Variants in TECPR2 observed in about 807,000 individuals in gnomAD.
TECPR2 encodes tectonin beta-propeller repeat-containing protein 2.
A neutral mutation model predicts 138.1 loss-of-function variants in TECPR2; 65 were observed. The ratio of observed to expected loss-of-function variants is 0.47; its 90% CI spans 0.39 to 0.58. TECPR2 has a LOEUF of 0.58. TECPR2 is among the 20% of genes least tolerant of loss of function. The pLI is 0.00. For missense variants in TECPR2, 1,553 were observed against 1,824.5 expected, an observed-to-expected ratio of 0.85 and a Z score of 2.71; for synonymous variants, 746 against 749.8, an observed-to-expected ratio of 0.99 and a Z score of 0.08.
chr14:102,477,600 G>C (rs1890792319), intron 17 of TECPR2, among the ~76,000 whole-genome samples: 1 of 148,590 alleles, frequency 6.7e-6, no homozygotes, highest in Admixed American at 6.7e-5. Flanking sequence ...GCCCAGACTG[G>C]GGTACAGTGG....
intron 2 of TECPR2, among the ~76,000 whole-genome samples, chr14:102,381,143 T>G (rs1567316513): frequency 6.6e-6 from 1 of 151,980 alleles, no homozygotes; most frequent in African/African-American, 2.4e-5. Context: ...CTATTTTTAG[T>G]AGAGACGGGG....
chr14:102,403,524 G>A (rs191699689), intron 2 of TECPR2, among the ~76,000 whole-genome samples: 32 of 152,320 alleles, frequency 2.1e-4, no homozygotes, highest in African/African-American at 6.5e-4. Flanking sequence ...ATTTTAGCCA[G>A]AGTCATTAGC....
At chr14:102,425,524 T>C (rs144766481) in intron 6 of TECPR2, among the ~76,000 whole-genome samples, 12 of 152,192 alleles carry the variant, frequency 7.9e-5, no homozygotes, top group African/African-American at 2.7e-4. Context: ...AGAAATGATG[T>C]ATGTTTTTTG....
chr14:102,484,044 G>A (rs1890964474), intron 17 of TECPR2, among the ~76,000 whole-genome samples: 1 of 147,950 alleles, frequency 6.8e-6, no homozygotes, highest in Non-Finnish European at 1.5e-5. Context: ...TGATCCACCT[G>A]CCTTGGCCTC....
chr14:102,450,718 G>A lies in TECPR2; in HGVS notation c.3406+69G>A, dbSNP rs979388421. ...GGCCATTGGAAAGGTTCAAACCACAGTCGGACTGTGGCCTTGTTGGTTATG... is the reference window on the plus strand; with the variant it reads ...GGCCATTGGAAAGGTTCAAACCACAATCGGACTGTGGCCTTGTTGGTTATG... On this transcript the variant is annotated intron_variant, in intron 15 of 19. Coordinates refer to ENST00000359520, the MANE Select transcript of TECPR2 (RefSeq NM_014844.5). The A allele has an allele frequency of 2.7e-6, 4 of 1,502,734 alleles. No individual in the cohort carries two copies. The African/African-American group carries it at 4.1e-5, about 16-fold the overall frequency. The allele number at this position is 1,502,734 out of a possible 1,614,324, so 93.1% of individuals were successfully genotyped here. A position where few individuals can be genotyped will look rare whatever the true frequency, so the allele number is the denominator to read the frequency against.
intron 17 of TECPR2, among the ~76,000 whole-genome samples, chr14:102,474,455 T>A (rs1288153676): frequency 1.3e-5 from 2 of 151,320 alleles, no homozygotes; most frequent in African/African-American, 4.9e-5. Flanking sequence ...AGAAACCCCG[T>A]CTCTACTAAA....
intron 9 of TECPR2, chr14:102,437,270 G>A: frequency 1.1e-6 from 1 of 897,562 alleles, no homozygotes. Flanking sequence ...AGCAAGGTCG[G>A]GCACAGTGGC....
chr14:102,442,302 C>A (rs773344663), intron 11 of TECPR2, among the ~76,000 whole-genome samples: 1 of 152,330 alleles, frequency 6.6e-6, no homozygotes, highest in East Asian at 1.9e-4. Context: ...TGCTGTGAGT[C>A]GTCAGCTGGG....
Position 102,443,510 on chromosome 14 carries a change from A to G in TECPR2, c.2753-137A>G. 1.4e-6 allele frequency: 1 copy of G among 734,536 alleles called. No homozygotes were observed. 45.5% of individuals were successfully genotyped at this position (734,536 alleles called of 1,614,324 possible). A position where few individuals can be genotyped will look rare whatever the true frequency, so the allele number is the denominator to read the frequency against. On this transcript the variant is annotated intron_variant, in intron 11 of 19. Transcript: ENST00000359520. This position sits in a 1 kb window ranked among gnomAD's most constrained non-coding sequence, Gnocchi z 4.9. Reference sequence around the variant, plus strand: ...TATTTTTAATTAATTAATTAATTAAAGTTTTTTTTTAAAGCACTCATCATA... The same window carrying G: ...TATTTTTAATTAATTAATTAATTAAGGTTTTTTTTTAAAGCACTCATCATA...
rs142504060 is a variant in TECPR2, at chr14:102,410,159, A to G, written c.480+1540A>G. ...AATAATAAATCCATAACATCTGCAC[A>G]TAAGTGACATATTTTGTGAAAATAT... On this transcript the variant is annotated intron_variant, in intron 4 of 19. Coordinates refer to ENST00000359520, the MANE Select transcript of TECPR2 (RefSeq NM_014844.5). Among the ~76,000 whole-genome samples, 282 of 152,328 alleles carry G rather than the reference A, an allele frequency of 1.9e-3. 2 individuals carry two copies. Among genetic ancestry groups the G allele is most frequent in the African/African-American group, 6.2e-3 (259 of 41,582 alleles).
intron 15 of TECPR2, 60 bp downstream of exon 15, chr14:102,450,709 C>A: frequency 6.4e-7 from 1 of 1,550,700 alleles, no homozygotes; most frequent in Non-Finnish European, 8.9e-7. Context: ...TGGAAAGGTT[C>A]AAACCACAGT....
intron 4 of TECPR2, among the ~76,000 whole-genome samples, chr14:102,411,793 A>C (rs1356254676): frequency 6.6e-6 from 1 of 150,998 alleles, no homozygotes; most frequent in African/African-American, 2.4e-5. Context: ...AAGTGTATAA[A>C]GAAAAACTGG....
At chr14:102,440,769 T>C (rs532332820) in intron 11 of TECPR2, among the ~76,000 whole-genome samples, 160 bp downstream of exon 11, 4 of 152,388 alleles carry the variant, frequency 2.6e-5, no homozygotes, top group African/African-American at 4.8e-5. Flanking sequence ...CCATTTGGCA[T>C]GTATTAGCAG....
chr14:102,399,369 C>T (rs1306906588), intron 2 of TECPR2, among the ~76,000 whole-genome samples: 2 of 152,146 alleles, frequency 1.3e-5, no homozygotes, highest in African/African-American at 4.8e-5. Context: ...CCATCTAATA[C>T]CCAGCAAAAC....
At chr14:102,442,463 A>T (rs1041857154) in intron 11 of TECPR2, among the ~76,000 whole-genome samples, 3 of 152,240 alleles carry the variant, frequency 2.0e-5, no homozygotes, top group Non-Finnish European at 4.4e-5. Context: ...TTTAAATGAA[A>T]GTAGCTCTGT....
At chr14:102,384,179 A>G (rs1887923619) in intron 2 of TECPR2, among the ~76,000 whole-genome samples, 1 of 151,862 alleles carries the variant, frequency 6.6e-6, no homozygotes, top group Admixed American at 6.6e-5. Context: ...TCGGCCTCCC[A>G]AAGTGCTGGG....
At position 102,380,938 on chromosome 14, in the gene TECPR2, A is replaced by G. The variant is rs141182139; in HGVS notation, c.219+3998A>G. Among the ~76,000 whole-genome samples, 648 of 150,728 alleles carry G rather than the reference A, an allele frequency of 4.3e-3. 4 individuals are homozygous for G. Among genetic ancestry groups the G allele is most frequent in the African/African-American group, 0.015 (627 of 41,072 alleles). Reference sequence around the variant, plus strand: ...CGTGATCTGCCCGCCTCGGCCTCCCAAAGTGCTGGGATTACAGGCGTGAAC... The same window carrying G: ...CGTGATCTGCCCGCCTCGGCCTCCCGAAGTGCTGGGATTACAGGCGTGAAC... On this transcript the variant is annotated intron_variant, in intron 2 of 19. Transcript: ENST00000359520.
intron 1 of TECPR2, among the ~76,000 whole-genome samples, chr14:102,368,158 G>A (rs1037630522): frequency 8.6e-5 from 13 of 151,824 alleles, no homozygotes; most frequent in South Asian, 2.1e-4. Flanking sequence ...ACAGATGTGC[G>A]CCACTATGCC....
intron 11 of TECPR2, among the ~76,000 whole-genome samples, chr14:102,442,908 A>G (rs8023217): frequency 0.042 from 6,377 of 152,302 alleles, 159 homozygotes; most frequent in Middle Eastern, 0.092. Context: ...TTATTGACAG[A>G]ACACAAGGAG....
Sources: gnomAD v4.1 joint callset for allele counts (sites outside exome capture counted in the v4.1 genomes callset) on GRCh38, gnomAD v4.1.1 for gene constraint, Gnocchi (gnomAD v3.1) non-coding constraint, MANE v1.5 for transcripts, NCBI Gene and HGNC (gene_info 2026-07-23, HGNC 2026-07-21) for gene names.